CDH13: variants seen among roughly 807,000 people sequenced by gnomAD.
The protein encoded by CDH13 is cadherin-13.
Under a neutral mutation model 63.8 loss-of-function variants are expected in CDH13, and 24 were observed. That is an observed-to-expected ratio of 0.38 (90% CI 0.27 to 0.53). CDH13 has a LOEUF of 0.53. Among genes scored for constraint, CDH13 ranks in the 20% least tolerant of loss-of-function variants. The pLI is 0.85. For synonymous variants in CDH13, 503 were observed against 355.3 expected, an observed-to-expected ratio of 1.42 and a Z score of -4.67; for missense variants, 1,049 against 903.1, an observed-to-expected ratio of 1.16 and a Z score of -2.07.
At chr16:82,672,999 C>CTTCTTTT (rs1913454782) in intron 1 of CDH13, among the ~76,000 whole-genome samples, 1 of 81,268 alleles carries the variant, frequency 1.2e-5, no homozygotes. Flanking sequence ...ATAAAGTTTT[C>CTTCTTTT]TTTTTTTTTT....
chr16:83,105,134 A>C (rs552811813), intron 3 of CDH13, among the ~76,000 whole-genome samples: 6 of 152,296 alleles, frequency 3.9e-5, no homozygotes, highest in Non-Finnish European at 7.3e-5. Flanking sequence ...CCCAGCATGC[A>C]TTAGCTATTT....
intron 5 of CDH13, among the ~76,000 whole-genome samples, chr16:83,231,968 CAG>C (rs1399132776): frequency 1.3e-5 from 2 of 152,136 alleles, no homozygotes; most frequent in East Asian, 1.9e-4. Flanking sequence ...GACACAGAAA[CAG>C]AAAACCAAAT....
At chr16:83,490,032 C>CAG (rs1431278405) in intron 7 of CDH13, among the ~76,000 whole-genome samples, 9 of 149,406 alleles carry the variant, frequency 6.0e-5, no homozygotes, top group African/African-American at 2.3e-4. Flanking sequence ...CACACACACA[C>CAG]ACACACACAC....
At chr16:82,739,380 A>C (rs1259753926) in intron 1 of CDH13, among the ~76,000 whole-genome samples, 1 of 152,208 alleles carries the variant, frequency 6.6e-6, no homozygotes, top group African/African-American at 2.4e-5. Context: ...TTAAATTCAA[A>C]TTTAGAAGCT....
At chr16:83,625,156 G>GTGTGTGTGTGTGCTCA (rs1425560603) in intron 8 of CDH13, among the ~76,000 whole-genome samples, 3 of 149,592 alleles carry the variant, frequency 2.0e-5, no homozygotes, top group South Asian at 2.1e-4. Flanking sequence ...AAGAAACTCT[G>GTGTGTGTGTGTGCTCA]TGTGTGTGTG....
In CDH13 at chr16:83,125,369, T is replaced by C; in HGVS notation, c.367-16T>C. 7.5e-7 allele frequency: 1 copy of C among 1,332,774 alleles called. No homozygotes were observed. Among genetic ancestry groups the C allele is most frequent in the Non-Finnish European group, 1.1e-6 (1 of 926,160 alleles). The allele number at this position is 1,332,774 out of a possible 1,614,324, so 82.6% of individuals were successfully genotyped here. Reference sequence around the variant, plus strand: ...CAATGGGAGATTTTAATCAATCCTTTTGTTTTCCCTTTTAGGATATATTTA... The same window carrying C: ...CAATGGGAGATTTTAATCAATCCTTCTGTTTTCCCTTTTAGGATATATTTA... On this transcript the variant is annotated splice_polypyrimidine_tract_variant and intron_variant, in intron 3 of 13. Transcript: ENST00000567109.
At chr16:82,680,094 G>T (rs1260769625) in intron 1 of CDH13, among the ~76,000 whole-genome samples, 1 of 152,172 alleles carries the variant, frequency 6.6e-6, no homozygotes, top group South Asian at 2.1e-4. Flanking sequence ...AGAGAGAGTT[G>T]GTGCCAGTCT....
intron 6 of CDH13, among the ~76,000 whole-genome samples, chr16:83,359,691 CAG>C (rs1281466926): frequency 6.6e-6 from 1 of 152,156 alleles, no homozygotes; most frequent in East Asian, 1.9e-4. Context: ...GAATTAGAAA[CAG>C]TGTGCTCTCC....
At chr16:82,716,129 G>A (rs1162699543) in intron 1 of CDH13, among the ~76,000 whole-genome samples, 1 of 152,196 alleles carries the variant, frequency 6.6e-6, no homozygotes, top group Admixed American at 6.5e-5. Flanking sequence ...TCAGGAGACT[G>A]CAACAGCTGC....
intron 1 of CDH13, among the ~76,000 whole-genome samples, chr16:82,637,295 C>A (rs550767507): frequency 7.2e-5 from 11 of 152,102 alleles, no homozygotes; most frequent in Non-Finnish European, 1.3e-4. Context: ...TGATTCCGAA[C>A]GTGTCTATCT....
At chr16:82,867,165 C>G (rs768338613) in intron 2 of CDH13, among the ~76,000 whole-genome samples, 3 of 152,156 alleles carry the variant, frequency 2.0e-5, no homozygotes, top group Non-Finnish European at 4.4e-5. Context: ...TAAGGCTGAG[C>G]TAGGTGAAAC....
Position 83,278,182 on chromosome 16 carries a change from G to A in CDH13, c.636+60685G>A, listed in dbSNP as rs190722870. Among the ~76,000 whole-genome samples, 388 of 152,192 alleles carry A rather than the reference G, an allele frequency of 2.5e-3. 1 individual carries two copies. The highest frequency in any genetic ancestry group is 4.6e-3 in the Non-Finnish European group (312 of 68,022). Reference sequence around the variant, plus strand: ...TTGCAGTTATTCAATTTTAAGTAGCGGGAACCAAATCCATCTGGATTTTTA... The same window carrying A: ...TTGCAGTTATTCAATTTTAAGTAGCAGGAACCAAATCCATCTGGATTTTTA... On this transcript the variant is annotated intron_variant, in intron 5 of 13. Coordinates refer to ENST00000567109, the MANE Select transcript of CDH13 (RefSeq NM_001257.5).
intron 1 of CDH13, among the ~76,000 whole-genome samples, chr16:82,797,073 A>C (rs995880112): frequency 7.9e-5 from 12 of 152,350 alleles, no homozygotes; most frequent in African/African-American, 2.4e-4. Context: ...GTTATTCCTC[A>C]TCATTCTAAA....
At chr16:82,872,267 T>A (rs1160927621) in intron 2 of CDH13, among the ~76,000 whole-genome samples, 3 of 152,218 alleles carry the variant, frequency 2.0e-5, no homozygotes, top group Admixed American at 6.5e-5. Flanking sequence ...TTCTTGCTGG[T>A]GATGCTGGTG....
At chr16:83,227,124 G>C (rs1244825191) in intron 5 of CDH13, among the ~76,000 whole-genome samples, 1 of 152,234 alleles carries the variant, frequency 6.6e-6, no homozygotes, top group Non-Finnish European at 1.5e-5. Flanking sequence ...AAGATTGAAA[G>C]TGAAGGCCAG....
chr16:82,821,123 T>C (rs1156945127), intron 1 of CDH13, among the ~76,000 whole-genome samples: 3 of 152,212 alleles, frequency 2.0e-5, no homozygotes, highest in Non-Finnish European at 4.4e-5. Flanking sequence ...ATCCTTGAAC[T>C]TCAGCAGCAA....
chr16:82,882,950 C>G (rs959937687), intron 2 of CDH13, among the ~76,000 whole-genome samples: 2 of 152,082 alleles, frequency 1.3e-5, no homozygotes, highest in Non-Finnish European at 2.9e-5. Context: ...TGGGAGGGTT[C>G]AATAAATCCT....
intron 7 of CDH13, among the ~76,000 whole-genome samples, chr16:83,585,910 C>T (rs1906111272): frequency 1.3e-5 from 2 of 152,124 alleles, no homozygotes; most frequent in Admixed American, 1.3e-4. Flanking sequence ...GTATAAGGTA[C>T]AGACCCAAGA....
At chr16:82,646,488 C>T (rs759788304) in intron 1 of CDH13, among the ~76,000 whole-genome samples, 5 of 152,204 alleles carry the variant, frequency 3.3e-5, no homozygotes, top group Non-Finnish European at 7.3e-5. Context: ...GTCACCGCGC[C>T]TGGCCTAAGC....
Sources: gnomAD v4.1 joint callset for allele counts (sites outside exome capture counted in the v4.1 genomes callset) on GRCh38, gnomAD v4.1.1 for gene constraint, MANE v1.5 for transcripts, NCBI Gene and HGNC (gene_info 2026-07-23, HGNC 2026-07-21) for gene names.